The following CTNNA3 variants were observed in gnomAD, a reference collection of about 807,000 sequenced individuals.
CTNNA3 encodes catenin alpha-3.
Under a neutral mutation model 95.7 loss-of-function variants are expected in CTNNA3, and 76 were observed. The observed-to-expected ratio is 0.79, with a 90% CI of 0.66 to 0.96. The LOEUF (loss-of-function observed/expected upper bound fraction) is 0.96. Among genes scored for constraint, CTNNA3 ranks in the 40% least tolerant of loss-of-function variants. CTNNA3 has a pLI of 0.00. For missense variants in CTNNA3, 1,191 were observed against 1,089.8 expected (o/e 1.09, Z -1.31); for synonymous variants, 431 against 374.4 (o/e 1.15, Z -1.74).
chr10:67,475,371 C>T (rs2133038515), intron 5 of CTNNA3, among the ~76,000 whole-genome samples: 1 of 152,196 alleles, frequency 6.6e-6, no homozygotes, highest in Non-Finnish European at 1.5e-5. Context: ...TTTCAAAACT[C>T]ATAGACCTGT....
chr10:66,934,385 AT>A (rs937487803), intron 7 of CTNNA3, among the ~76,000 whole-genome samples: 16 of 152,170 alleles, frequency 1.1e-4, no homozygotes, highest in African/African-American at 3.4e-4. Flanking sequence ...TCACCAAAAA[AT>A]GTCTTCCTTT....
At chr10:66,126,278 G>A (rs2082826701) in intron 13 of CTNNA3, among the ~76,000 whole-genome samples, 1 of 152,142 alleles carries the variant, frequency 6.6e-6, no homozygotes, top group African/African-American at 2.4e-5. Context: ...TAAACAGTTA[G>A]GTAAACAAAT....
intron 17 of CTNNA3, among the ~76,000 whole-genome samples, chr10:65,931,478 T>C (rs1415541149): frequency 2.6e-5 from 4 of 152,210 alleles, no homozygotes; most frequent in Non-Finnish European, 4.4e-5. Flanking sequence ...AGTACGGTGC[T>C]TTGGAAATTA....
intron 5 of CTNNA3, among the ~76,000 whole-genome samples, chr10:67,255,209 C>A (rs1866291430): frequency 6.6e-6 from 1 of 152,090 alleles, no homozygotes; most frequent in East Asian, 1.9e-4. Flanking sequence ...GCAGGAGAAT[C>A]ACTTGAACCA....
At chr10:66,589,062 C>G (rs949708980) in intron 10 of CTNNA3, among the ~76,000 whole-genome samples, 5 of 152,018 alleles carry the variant, frequency 3.3e-5, no homozygotes, top group African/African-American at 1.2e-4. Flanking sequence ...ATAGATCTGA[C>G]AGCTCAACAA....
intron 16 of CTNNA3, among the ~76,000 whole-genome samples, chr10:65,982,875 G>A (rs912756152): frequency 6.6e-6 from 1 of 151,282 alleles, no homozygotes; most frequent in Non-Finnish European, 1.5e-5. Flanking sequence ...TAGGAGTTGT[G>A]TAATCATGAT....
intron 12 of CTNNA3, among the ~76,000 whole-genome samples, chr10:66,315,237 C>T (rs934643517): frequency 1.3e-5 from 2 of 151,928 alleles, no homozygotes; most frequent in Non-Finnish European, 2.9e-5. Context: ...GTTCTAACGC[C>T]ACAATCCCTG....
chr10:67,614,967 T>C (rs1436270934), intron 2 of CTNNA3, among the ~76,000 whole-genome samples: 1 of 152,180 alleles, frequency 6.6e-6, no homozygotes, highest in Non-Finnish European at 1.5e-5. Flanking sequence ...ACACCAGTCA[T>C]ATTGGATTAG....
chr10:66,350,289 A>C (rs772077162), intron 12 of CTNNA3, among the ~76,000 whole-genome samples: 5 of 152,146 alleles, frequency 3.3e-5, no homozygotes, highest in Non-Finnish European at 7.4e-5. Flanking sequence ...CATTCAGGAC[A>C]GAGAAGGGAA....
At chr10:67,280,467 C>G (rs1337024793) in intron 5 of CTNNA3, among the ~76,000 whole-genome samples, 1 of 151,894 alleles carries the variant, frequency 6.6e-6, no homozygotes, top group Non-Finnish European at 1.5e-5. Context: ...GCACACAGAT[C>G]CATTGAAAGG....
At chr10:66,906,513 C>T (rs1419722613) in intron 7 of CTNNA3, among the ~76,000 whole-genome samples, 3 of 152,146 alleles carry the variant, frequency 2.0e-5, no homozygotes, top group African/African-American at 7.2e-5. Flanking sequence ...CAAAGGTCCA[C>T]TTCAGAGTGT....
intron 15 of CTNNA3, among the ~76,000 whole-genome samples, chr10:66,022,761 C>T (rs1173538986): frequency 6.6e-6 from 1 of 152,152 alleles, no homozygotes; most frequent in African/African-American, 2.4e-5. Context: ...ACCTTTGATG[C>T]TACTATTTGG....
chr10:66,114,662 C>T (rs992283742), intron 13 of CTNNA3, among the ~76,000 whole-genome samples: 5 of 151,702 alleles, frequency 3.3e-5, no homozygotes, highest in Admixed American at 6.6e-5. Flanking sequence ...AGGCAGATCA[C>T]GAGGTCAAGA....
intron 7 of CTNNA3, among the ~76,000 whole-genome samples, chr10:67,061,701 G>C (rs1315913047): frequency 6.6e-6 from 1 of 152,174 alleles, no homozygotes; most frequent in Non-Finnish European, 1.5e-5. Flanking sequence ...AAAGAGAAAC[G>C]ATATTTCAGC....
chr10:67,253,528 T>C (rs1229285396), intron 5 of CTNNA3, among the ~76,000 whole-genome samples: 1 of 152,130 alleles, frequency 6.6e-6, no homozygotes, highest in Non-Finnish European at 1.5e-5. Flanking sequence ...ATGTGGGAGA[T>C]GAGCGAGATG....
intron 6 of CTNNA3, among the ~76,000 whole-genome samples, chr10:67,211,772 T>C (rs74142425): frequency 0.043 from 6,574 of 152,214 alleles, 178 homozygotes; most frequent in South Asian, 0.088. Flanking sequence ...GAGTAATTGT[T>C]GGGAGGGCTC....
rs150073247 is a variant in CTNNA3, at chr10:67,110,537, T to A, written c.1047+69780A>T. On this transcript the variant is annotated intron_variant, in intron 7 of 17. Transcript: ENST00000433211. The stretch of plus-strand genomic sequence containing the variant: ...AAAGGCTTTAAGAAATACTATTAAA[T>A]CTCCATCTGCTGATTGAAAATTCCA... Among the ~76,000 whole-genome samples, 670 of 152,174 alleles carry A rather than the reference T, an allele frequency of 4.4e-3. 1 individual carries two copies. The highest frequency in any genetic ancestry group is 0.015 in the African/African-American group (630 of 41,570).
At chr10:67,105,262 A>AGATAGATAGATAGAT (rs1858571730) in intron 7 of CTNNA3, among the ~76,000 whole-genome samples, 2 of 72,560 alleles carry the variant, frequency 2.8e-5, no homozygotes, top group Non-Finnish European at 5.7e-5. Flanking sequence ...GATAGATAGA[A>AGATAGATAGATAGAT]TTAATTCTAC....
In CTNNA3 at chr10:66,242,916, G is replaced by T. The variant is rs371025902; in HGVS notation, c.1884+37554C>A. On this transcript the variant is annotated intron_variant, in intron 13 of 17. Transcript: ENST00000433211. ...TAGAAGAATGGATAAATATTCTTGA[G>T]GCATGTTAATACAATTGAACAGTGT... is the stretch of plus-strand genomic sequence containing the variant. Among the ~76,000 whole-genome samples the T allele has an allele frequency of 3.2e-4, 48 of 152,290 alleles. No individual in the cohort carries two copies. In the South Asian group the frequency reaches 9.3e-3, roughly 30 times the overall value.
Sources: gnomAD v4.1 joint callset for allele counts (sites outside exome capture counted in the v4.1 genomes callset) on GRCh38, gnomAD v4.1.1 for gene constraint, MANE v1.5 for transcripts, NCBI Gene and HGNC (gene_info 2026-07-23, HGNC 2026-07-21) for gene names.